Variants in GREB1L observed in about 807,000 individuals in gnomAD.
GREB1L encodes GREB1 like retinoic acid receptor coactivator, also known as GREB1-like protein.
In GREB1L, 17 loss-of-function variants were observed where a neutral mutation model predicts 200.8. The ratio of observed to expected loss-of-function variants is 0.08; its 90% CI spans 0.06 to 0.13. The LOEUF (loss-of-function observed/expected upper bound fraction) is 0.13, where lower values mean the gene tolerates loss of function less well. GREB1L is among the 10% of genes least tolerant of loss of function. GREB1L has a pLI of 1.00. For missense variants in GREB1L, 1,657 were observed against 2,367.7 expected, an observed-to-expected ratio of 0.70 and a Z score of 6.23; for synonymous variants, 789 against 893.0, an observed-to-expected ratio of 0.88 and a Z score of 2.08.
intron 1 of GREB1L, among the ~76,000 whole-genome samples, chr18:21,344,648 C>T (rs1417578967): frequency 6.6e-6 from 1 of 152,124 alleles, no homozygotes; most frequent in Non-Finnish European, 1.5e-5. Context: ...ATGAATAAAA[C>T]ACAAACTGTG....
intron 17 of GREB1L, among the ~76,000 whole-genome samples, chr18:21,482,895 G>A (rs2035978397): frequency 6.6e-6 from 1 of 152,050 alleles, no homozygotes. Flanking sequence ...TAAGTCAGAC[G>A]ATTTATGATA....
chr18:21,376,093 T>TTC (rs149573179), intron 2 of GREB1L, among the ~76,000 whole-genome samples: 33 of 149,514 alleles, frequency 2.2e-4, no homozygotes, highest in East Asian at 5.9e-4. Context: ...AGGAGGGCAT[T>TTC]TCTCTCTCTC....
intron 1 of GREB1L, among the ~76,000 whole-genome samples, chr18:21,303,756 C>G (rs189461899): frequency 6.6e-6 from 1 of 152,118 alleles, no homozygotes; most frequent in African/African-American, 2.4e-5. Flanking sequence ...AAATTTAACA[C>G]GTTTGCTTTT....
chr18:21,376,586 C>T (rs1243226238), intron 2 of GREB1L, among the ~76,000 whole-genome samples: 4 of 151,384 alleles, frequency 2.6e-5, no homozygotes, highest in Admixed American at 6.6e-5. Context: ...GGGCGGATCA[C>T]GAGGTCCGGA....
intron 7 of GREB1L, among the ~76,000 whole-genome samples, chr18:21,412,597 A>T (rs1054648585): frequency 6.6e-6 from 1 of 152,188 alleles, no homozygotes; most frequent in African/African-American, 2.4e-5. Flanking sequence ...GCAAAACTAA[A>T]CTATTTGAGG....
intron 7 of GREB1L, among the ~76,000 whole-genome samples, chr18:21,430,785 G>A (rs2033086045): frequency 6.7e-6 from 1 of 149,918 alleles, no homozygotes; most frequent in African/African-American, 2.4e-5. Flanking sequence ...TAGTAGAGAC[G>A]GGGTTTCTCC....
At chr18:21,406,988 CCCTAGCCTT>C (rs1041993553) in intron 7 of GREB1L, among the ~76,000 whole-genome samples, 1 of 151,540 alleles carries the variant, frequency 6.6e-6, no homozygotes, top group African/African-American at 2.4e-5. Flanking sequence ...GATTCTCCTG[CCCTAGCCTT>C]CCGAGTAGCT....
At chr18:21,405,410 A>G (rs1221611096) in intron 7 of GREB1L, among the ~76,000 whole-genome samples, 2 of 152,378 alleles carry the variant, frequency 1.3e-5, no homozygotes, top group East Asian at 3.9e-4. Flanking sequence ...TTACTTCATT[A>G]CAACAAAAAC....
At chr18:21,347,361 C>A (rs2039363061) in intron 1 of GREB1L, among the ~76,000 whole-genome samples, 1 of 152,068 alleles carries the variant, frequency 6.6e-6, no homozygotes, top group African/African-American at 2.4e-5. Flanking sequence ...ATTGTCTTGT[C>A]CCTCAGCTTT....
chr18:21,505,352 C>T, intron 23 of GREB1L, 60 bp from the exon 24 acceptor site: 1 of 1,478,382 alleles, frequency 6.8e-7, no homozygotes, highest in Non-Finnish European at 9.1e-7. Context: ...GCCATTCTCT[C>T]TGACACATGG....
intron 1 of GREB1L, among the ~76,000 whole-genome samples, chr18:21,338,948 G>T (rs545964347): frequency 1.3e-5 from 2 of 152,298 alleles, no homozygotes; most frequent in African/African-American, 4.8e-5. Context: ...TAGCACTTTG[G>T]GAGGCTGAGG....
intron 1 of GREB1L, among the ~76,000 whole-genome samples, chr18:21,304,853 G>A (rs772173312): frequency 2.0e-4 from 30 of 152,118 alleles, no homozygotes; most frequent in Admixed American, 3.3e-4. Context: ...GTCCTGGAAT[G>A]CTCTTTCCCC....
At chr18:21,510,583 T>C (rs1013765882) in intron 27 of GREB1L, among the ~76,000 whole-genome samples, 4 of 152,380 alleles carry the variant, frequency 2.6e-5, no homozygotes, top group Admixed American at 1.3e-4. Context: ...TGTTTATCCA[T>C]TCATCCGTCA....
chr18:21,300,665 C>T (rs1383463632), intron 1 of GREB1L, among the ~76,000 whole-genome samples: 3 of 152,188 alleles, frequency 2.0e-5, no homozygotes, highest in African/African-American at 7.2e-5. Flanking sequence ...GTCTGTCCAT[C>T]TGGGTGGCAG....
chr18:21,381,048 C>G (rs1351889368), intron 2 of GREB1L, among the ~76,000 whole-genome samples: 4 of 152,184 alleles, frequency 2.6e-5, no homozygotes, highest in African/African-American at 4.8e-5. Context: ...CGAGACCATC[C>G]TGGCTAACAC....
At position 21,318,304 on chromosome 18, in the gene GREB1L, T is replaced by C. The variant is rs2038903797; in HGVS notation, c.-119-47723T>C. Among the ~76,000 whole-genome samples, 2 of 152,300 alleles carry C rather than the reference T, an allele frequency of 1.3e-5. 1 individual carries two copies. Among genetic ancestry groups the C allele is most frequent in the South Asian group, 4.2e-4 (2 of 4,818 alleles). ...CACAGCAAAAGAAGGATGATAAGGA[T>C]AAAAACAGCAAGTAATAGTAGACTA... On this transcript the variant is annotated intron_variant, in intron 1 of 32. Coordinates refer to ENST00000424526, the MANE Select transcript of GREB1L (RefSeq NM_001142966.3).
chr18:21,388,413 A>G (rs1486008112), intron 4 of GREB1L, among the ~76,000 whole-genome samples: 1 of 152,056 alleles, frequency 6.6e-6, no homozygotes, highest in Non-Finnish European at 1.5e-5. Context: ...ATTAATTTTA[A>G]TAACAACTAA....
chr18:21,389,271 G>T (rs2040682888), intron 4 of GREB1L, among the ~76,000 whole-genome samples: 2 of 149,140 alleles, frequency 1.3e-5, no homozygotes, highest in African/African-American at 4.9e-5. Flanking sequence ...GTTCAGTTTT[G>T]GACATTGGGA....
intron 17 of GREB1L, among the ~76,000 whole-genome samples, chr18:21,478,217 A>G (rs571824808): frequency 3.3e-5 from 5 of 152,322 alleles, no homozygotes; most frequent in Non-Finnish European, 5.9e-5. Context: ...ATAACTCCAT[A>G]GTAGCAGTGA....
Sources: gnomAD v4.1 joint callset for allele counts (sites outside exome capture counted in the v4.1 genomes callset) on GRCh38, gnomAD v4.1.1 for gene constraint, MANE v1.5 for transcripts, NCBI Gene and HGNC (gene_info 2026-07-23, HGNC 2026-07-21) for gene names.